MCM10: variants seen among roughly 807,000 people sequenced by gnomAD.
The protein encoded by MCM10 is minichromosome maintenance 10 replication initiation factor.
MCM10 carries 91 observed loss-of-function variants against 109.9 expected under a neutral mutation model. The ratio of observed to expected loss-of-function variants is 0.83; its 90% CI spans 0.70 to 0.99. MCM10 has a LOEUF of 0.99. MCM10 is among the 50% of genes least tolerant of loss of function. The pLI, the probability that MCM10 is intolerant of heterozygous loss-of-function variation, is 0.00. For missense variants in MCM10, 1,077 were observed against 1,061.2 expected (o/e 1.01, Z -0.21); for synonymous variants, 380 against 387.2 (o/e 0.98, Z 0.22).
At chr10:13,175,792 C>T (rs1834135196) in intron 6 of MCM10, 111 bp downstream of exon 6, 1 of 744,176 alleles carries the variant, frequency 1.3e-6, no homozygotes, top group African/African-American at 1.8e-5. Flanking sequence ...ACACCAGCAG[C>T]TCTTGAACTG....
chr10:13,185,161 G>A (rs1050846757), intron 8 of MCM10, among the ~76,000 whole-genome samples: 6 of 152,132 alleles, frequency 3.9e-5, no homozygotes, highest in African/African-American at 9.7e-5. Flanking sequence ...AGGCACTCCA[G>A]GCAGGCAGAG....
Position 13,171,199 on chromosome 10 carries a change from A to T in MCM10, c.285A>T (p.Ser95=). The T allele has an allele frequency of 1.2e-6, 2 of 1,614,200 alleles. No homozygotes were observed. Among genetic ancestry groups the T allele is most frequent in the Non-Finnish European group, 1.7e-6 (2 of 1,180,030 alleles). ...AAGAAGAAGTTCCCGCATCACAGTCAACTGAAAATAGGGTCCTCCCTGCTC... is the reference window on the plus strand; with the variant it reads ...AAGAAGAAGTTCCCGCATCACAGTCTACTGAAAATAGGGTCCTCCCTGCTC... The part of the protein sequence containing the change: ...TDEEEVPASQ[S]TENRVLPAPA... The change falls in exon 3 of 20, where the codon TCA becomes TCT. Residue 95 remains serine, a synonymous_variant. Coordinates refer to ENST00000378714, the MANE Select transcript of MCM10 (RefSeq NM_018518.5).
chr10:13,164,300 A>G (rs1042228443), intron 2 of MCM10, 91 bp downstream of exon 2: 4 of 1,263,802 alleles, frequency 3.2e-6, no homozygotes, highest in Admixed American at 5.0e-5. Flanking sequence ...TAAAATGGTG[A>G]AAATGCTCCC....
rs768359386 is a variant in MCM10 at position 13,180,469 on chromosome 10, G to A, written c.792G>A (p.Met264Ile). ...LRRPRVSSTE[M>I]NKKMTGRKLI... Reference sequence around the variant, plus strand: ...GGCCTCGAGTATCCTCCACAGAAATGAACAAGAAAATGACCGGCCGAAAAC... The same window carrying A: ...GGCCTCGAGTATCCTCCACAGAAATAAACAAGAAAATGACCGGCCGAAAAC... Residue 264 changes from methionine (M) to isoleucine (I), a missense_variant, in exon 7 of 20, where the codon ATG (methionine) becomes ATA (isoleucine). Met to Ile is a conservative substitution (Grantham distance 10). Coordinates refer to ENST00000378714, the MANE Select transcript of MCM10 (RefSeq NM_018518.5). 6.2e-7 allele frequency: 1 copy of A among 1,613,628 alleles called. No individual in the cohort carries two copies. Among genetic ancestry groups the A allele is most frequent in the East Asian group, 2.2e-5 (1 of 44,852 alleles).
rs367633694 is a variant in MCM10, at chr10:13,191,362, C to T, written c.1479C>T (p.Gly493=). The T allele has an allele frequency of 4.2e-5, 67 of 1,613,916 alleles. No homozygotes were observed. Among genetic ancestry groups the T allele is most frequent in the Non-Finnish European group, 5.3e-5 (62 of 1,179,984 alleles). Reference sequence around the variant, plus strand: ...CTCTGAGTAATCTGGTTGTTAAGGGCACAAACTTGATCATCCAGGAAACAC... The same window carrying T: ...CTCTGAGTAATCTGGTTGTTAAGGGTACAAACTTGATCATCCAGGAAACAC... ...QTTLSNLVVK[G]TNLIIQETRQ... is the part of the protein sequence containing the mutation. The change falls in exon 11 of 20, where the codon GGC becomes GGT. Residue 493 remains glycine (G), a synonymous_variant. Transcript: ENST00000378714.
At position 13,198,735 on chromosome 10, in the gene MCM10, T is replaced by C; in HGVS notation, c.2166T>C (p.Leu722=). Residue 722 remains leucine, a synonymous_variant, in exon 16 of 20, where the codon CTT becomes CTC. Coordinates refer to ENST00000378714, the MANE Select transcript of MCM10 (RefSeq NM_018518.5). ...EPARKKRREQ[L]AYLESEEFQK... ...CCAGGAAAAAAAGGAGAGAACAACT[T>C]GCCTATCTGGAATCTGAGGAATTTC... is the stretch of plus-strand genomic sequence containing the variant. 1 of 1,614,054 alleles carries C rather than the reference T, an allele frequency of 6.2e-7. No homozygotes were observed. The highest frequency in any genetic ancestry group is 8.5e-7 in the Non-Finnish European group (1 of 1,179,998).
intron 5 of MCM10, 92 bp from the exon 6 acceptor site, chr10:13,175,418 C>A: frequency 9.1e-7 from 1 of 1,093,396 alleles, no homozygotes; most frequent in Non-Finnish European, 1.4e-6. Context: ...GAGTCCCTAT[C>A]TCAAAGGAAC....
intron 5 of MCM10, among the ~76,000 whole-genome samples, chr10:13,175,272 A>C (rs1229743667): frequency 6.6e-6 from 1 of 152,156 alleles, no homozygotes; most frequent in Non-Finnish European, 1.5e-5. Flanking sequence ...GTCTCTACAA[A>C]AAATACAAAA....
chr10:13,196,901 G>A (rs1350507687), intron 14 of MCM10, among the ~76,000 whole-genome samples: 2 of 151,694 alleles, frequency 1.3e-5, no homozygotes, highest in African/African-American at 2.4e-5. Flanking sequence ...GTAGGTCAAT[G>A]CTATATCATC....
At chr10:13,166,608 C>CT in intron 2 of MCM10, among the ~76,000 whole-genome samples, 1 of 143,810 alleles carries the variant, frequency 7.0e-6, no homozygotes, top group South Asian at 2.2e-4. Context: ...GCACTCCAGC[C>CT]TGGGCAACAA....
intron 7 of MCM10, 80 bp downstream of exon 7, chr10:13,180,687 A>T: frequency 6.7e-7 from 1 of 1,486,598 alleles, no homozygotes; most frequent in Admixed American, 1.8e-5. Context: ...TGTTAACTGG[A>T]ACCTGTTGGT....
chr10:13,164,193 T>C lies in MCM10; in HGVS notation c.-10T>C. The C allele has an allele frequency of 1.3e-6, 2 of 1,595,906 alleles. No individual in the cohort carries two copies. The highest frequency in any genetic ancestry group is 2.3e-5 in the South Asian group (2 of 87,210). ...TCGAAGTTTCCTGTCACAACTGTCC[T>C]CTTGACAGCATGGATGGTAAGACCT... On this transcript the variant is annotated 5_prime_UTR_variant, in exon 2 of 20. Transcript: ENST00000378714.
chr10:13,191,566 G>A (rs201599678), intron 11 of MCM10, among the ~76,000 whole-genome samples, 167 bp downstream of exon 11: 1 of 80,956 alleles, frequency 1.2e-5, no homozygotes, highest in Non-Finnish European at 3.1e-5. Context: ...AAATAAATAA[G>A]CAAGCAAGCA....
chr10:13,172,604 C>G lies in MCM10; in HGVS notation c.455-24C>G. 6.2e-7 allele frequency: 1 copy of G among 1,613,218 alleles called. No individual in the cohort carries two copies. The highest frequency in any genetic ancestry group is 8.5e-7 in the Non-Finnish European group (1 of 1,179,688). ...CTCTTTCTGAATGGGTTTTTACTCA[C>G]TTATTTTACTTTTGATTAAGTAGAG... On this transcript the variant is annotated intron_variant, in intron 4 of 19. Transcript: ENST00000378714. The surrounding 1 kb of genome is among the most constrained non-coding windows in gnomAD (Gnocchi z 5.2).
intron 12 of MCM10, 25 bp downstream of exon 12, chr10:13,192,390 G>A (rs371995890): frequency 1.3e-5 from 21 of 1,611,792 alleles, no homozygotes; most frequent in African/African-American, 2.7e-5. Context: ...ATGGCCACAC[G>A]TGTGTCCCTG....
chr10:13,166,595 A>G (rs1429453704), intron 2 of MCM10, among the ~76,000 whole-genome samples: 5 of 148,586 alleles, frequency 3.4e-5, no homozygotes, highest in African/African-American at 7.5e-5. Flanking sequence ...AGATCGTGCC[A>G]TTGCACTCCA....
At position 13,164,214 on chromosome 10, in the gene MCM10, G is replaced by A; in HGVS notation, c.7+5G>A. 6.3e-7 allele frequency: 1 copy of A among 1,596,888 alleles called. No homozygotes were observed. Among genetic ancestry groups the A allele is most frequent in the South Asian group, 1.1e-5 (1 of 87,500 alleles). On this transcript the variant is annotated splice_donor_5th_base_variant and intron_variant, in intron 2 of 19. Coordinates refer to ENST00000378714, the MANE Select transcript of MCM10 (RefSeq NM_018518.5). ...GTCCTCTTGACAGCATGGATGGTAA[G>A]ACCTGGCAGTTTTCTGTTACTCTGT...
intron 2 of MCM10, among the ~76,000 whole-genome samples, chr10:13,165,773 G>A (rs1267461375): frequency 6.6e-6 from 1 of 151,380 alleles, no homozygotes; most frequent in African/African-American, 2.4e-5. Flanking sequence ...TACTCAGGAG[G>A]CTGAGGCTGG....
At chr10:13,169,942 G>A (rs933777010) in intron 2 of MCM10, among the ~76,000 whole-genome samples, 2 of 152,188 alleles carry the variant, frequency 1.3e-5, no homozygotes, top group Non-Finnish European at 2.9e-5. Context: ...CTGATGTCAG[G>A]TGATCCTCCT....
Sources: gnomAD v4.1 joint callset for allele counts (sites outside exome capture counted in the v4.1 genomes callset) on GRCh38, gnomAD v4.1.1 for gene constraint, Gnocchi (gnomAD v3.1) non-coding constraint, MANE v1.5 for transcripts, NCBI Gene and HGNC (gene_info 2026-07-23, HGNC 2026-07-21) for gene names.